The following ARL15 variants were observed in gnomAD, a reference collection of about 807,000 sequenced individuals.
The protein encoded by ARL15 is ARF like GTPase 15, also known as ADP-ribosylation factor-like protein 15.
In ARL15, 19 loss-of-function variants were observed where a neutral mutation model predicts 25.2. That is an observed-to-expected ratio of 0.75 (90% CI 0.53 to 1.10). ARL15 has a LOEUF of 1.10. Among genes scored for constraint, ARL15 ranks in the 50% least tolerant of loss-of-function variants. The pLI is 0.00. For synonymous variants in ARL15, 94 were observed against 86.8 expected, an observed-to-expected ratio of 1.08 and a Z score of -0.46; for missense variants, 220 against 246.0, an observed-to-expected ratio of 0.89 and a Z score of 0.71.
chr5:54,196,300 G>A (rs2112469329), intron 1 of ARL15, among the ~76,000 whole-genome samples: 1 of 152,180 alleles, frequency 6.6e-6, no homozygotes, highest in South Asian at 2.1e-4. Context: ...GAGAAGGTAG[G>A]CTGCAGCTTT....
At chr5:54,109,348 C>T (rs1049918299) in intron 4 of ARL15, among the ~76,000 whole-genome samples, 1 of 151,898 alleles carries the variant, frequency 6.6e-6, no homozygotes, top group Non-Finnish European at 1.5e-5. Context: ...AAGTTAAATA[C>T]TTTTGGATTA....
intron 4 of ARL15, among the ~76,000 whole-genome samples, chr5:54,086,681 C>T (rs1414789539): frequency 6.6e-6 from 1 of 151,786 alleles, no homozygotes; most frequent in African/African-American, 2.4e-5. Flanking sequence ...ATGCTATAGC[C>T]AAAAAATACA....
At chr5:54,268,138 C>A (rs1757677252) in intron 1 of ARL15, among the ~76,000 whole-genome samples, 2 of 152,014 alleles carry the variant, frequency 1.3e-5, no homozygotes, top group African/African-American at 2.4e-5. Flanking sequence ...TTCACATAGT[C>A]CCATATTTCT....
chr5:54,240,566 C>G (rs1012073765), intron 1 of ARL15, among the ~76,000 whole-genome samples: 3 of 152,140 alleles, frequency 2.0e-5, no homozygotes, highest in Non-Finnish European at 2.9e-5. Flanking sequence ...TTTACCAACA[C>G]CATTCCCACT....
At position 54,154,606 on chromosome 5, in the gene ARL15, G is replaced by T; in HGVS notation, c.227C>A (p.Ala76Asp). Residue 76 changes from alanine to aspartate, a missense_variant, in exon 3 of 5, where the codon GCC becomes GAC. By Grantham distance (126) the Ala-to-Asp change is moderately radical. Coordinates refer to ENST00000504924, the MANE Select transcript of ARL15 (RefSeq NM_019087.3). ...FSIKAVPFQNAILNVKELGGA... is the reference protein window; with the variant it reads ...FSIKAVPFQNDILNVKELGGA... ...TCCAAGTTCTTTTACATTCAAGATG[G>T]CATTCTGGAATGGCACTGCTTTAAT... is the stretch of plus-strand genomic sequence containing the variant. 1 of 1,528,890 alleles carries T rather than the reference G, an allele frequency of 6.5e-7. No individual in the cohort carries two copies. Among genetic ancestry groups the T allele is most frequent in the Admixed American group, 2.2e-5 (1 of 45,536 alleles). The allele number at this position is 1,528,890 out of a possible 1,614,324, so 94.7% of individuals were successfully genotyped here.
rs532608239 is a variant in ARL15, at chr5:54,030,707, A to C, written c.462+82495T>G. Among the ~76,000 whole-genome samples the C allele has an allele frequency of 7.2e-5, 11 of 152,342 alleles. No homozygotes were observed. The South Asian group carries it at 2.3e-3, about 32-fold the overall frequency. Reference sequence around the variant, plus strand: ...CAAACAAGCAGATGCAAGATTACATAAACTCTTGAGTTGGGTTTGATGGGT... The same window carrying C: ...CAAACAAGCAGATGCAAGATTACATCAACTCTTGAGTTGGGTTTGATGGGT... On this transcript the variant is annotated intron_variant, in intron 4 of 4. Transcript: ENST00000504924.
intron 1 of ARL15, among the ~76,000 whole-genome samples, chr5:54,215,123 TA>T (rs1449499153): frequency 6.6e-6 from 1 of 152,166 alleles, no homozygotes; most frequent in Non-Finnish European, 1.5e-5. Context: ...CCCTAATCAA[TA>T]CTGCTCCTAA....
chr5:53,916,791 T>C (rs1233703772), intron 4 of ARL15, among the ~76,000 whole-genome samples: 1 of 152,154 alleles, frequency 6.6e-6, no homozygotes, highest in Non-Finnish European at 1.5e-5. Context: ...CCCAAGGCAT[T>C]ACTCTGAGCA....
chr5:54,089,670 A>G (rs1200356964), intron 4 of ARL15, among the ~76,000 whole-genome samples: 2 of 152,160 alleles, frequency 1.3e-5, no homozygotes, highest in African/African-American at 2.4e-5. Flanking sequence ...TCTGTCACCA[A>G]TCCTATTCAA....
intron 4 of ARL15, among the ~76,000 whole-genome samples, chr5:53,918,360 T>C (rs1745724543): frequency 6.6e-6 from 1 of 151,946 alleles, no homozygotes; most frequent in Non-Finnish European, 1.5e-5. Context: ...TAATTTTTTT[T>C]TATTTTTAGT....
intron 4 of ARL15, among the ~76,000 whole-genome samples, chr5:53,919,983 A>G (rs74346676): frequency 0.13 from 19,137 of 152,202 alleles, 1,573 homozygotes; most frequent in Non-Finnish European, 0.18. Context: ...GATTGGGTAT[A>G]GACTGGGCAC....
chr5:54,175,912 A>C lies in ARL15; in HGVS notation c.49-3984T>G, dbSNP rs138276375. Among the ~76,000 whole-genome samples, 27 of 152,276 alleles carry C rather than the reference A, an allele frequency of 1.8e-4. No individual in the cohort carries two copies. In the East Asian group the frequency reaches 5.2e-3, roughly 29 times the overall value. On this transcript the variant is annotated intron_variant, in intron 1 of 4. Transcript: ENST00000504924. ...GGTGATCCACTCACCCCGGCTGCCC[A>C]AAGTGCTGAGATTACACACGTGAGC...
chr5:54,116,523 C>A (rs1354241076), intron 3 of ARL15, among the ~76,000 whole-genome samples: 1 of 152,188 alleles, frequency 6.6e-6, no homozygotes, highest in African/African-American at 2.4e-5. Context: ...ATGTGCAGTG[C>A]ACAGTTTTCA....
intron 4 of ARL15, among the ~76,000 whole-genome samples, chr5:54,008,753 T>C (rs1749130677): frequency 6.6e-6 from 1 of 152,222 alleles, no homozygotes. Context: ...CCCAAAATGT[T>C]TGTAAACTGC....
At chr5:53,954,055 G>C (rs1447443703) in intron 4 of ARL15, among the ~76,000 whole-genome samples, 3 of 145,476 alleles carry the variant, frequency 2.1e-5, no homozygotes, top group Non-Finnish European at 4.5e-5. Flanking sequence ...TCGGTACAAA[G>C]ACTTCTCTGT....
intron 4 of ARL15, among the ~76,000 whole-genome samples, chr5:53,941,815 T>A (rs1253234914): frequency 6.6e-6 from 1 of 151,700 alleles, no homozygotes; most frequent in Non-Finnish European, 1.5e-5. Flanking sequence ...CCCCTCCACC[T>A]AATAGAGGGC....
intron 4 of ARL15, among the ~76,000 whole-genome samples, chr5:54,059,670 G>A (rs1472468415): frequency 6.6e-6 from 1 of 152,200 alleles, no homozygotes; most frequent in Non-Finnish European, 1.5e-5. Context: ...AAAGCAGGAT[G>A]ATTAAAGGAC....
At chr5:54,165,199 T>C (rs1373994933) in intron 2 of ARL15, among the ~76,000 whole-genome samples, 1 of 152,102 alleles carries the variant, frequency 6.6e-6, no homozygotes, top group East Asian at 1.9e-4. Flanking sequence ...CATATGTTGT[T>C]AACCCCATAA....
intron 3 of ARL15, among the ~76,000 whole-genome samples, chr5:54,152,571 A>G (rs278065): frequency 0.21 from 31,782 of 152,172 alleles, 4,047 homozygotes; most frequent in East Asian, 0.68. Context: ...TAAAGTTGAG[A>G]AAGTAAAAGA....
Sources: gnomAD v4.1 joint callset for allele counts (sites outside exome capture counted in the v4.1 genomes callset) on GRCh38, gnomAD v4.1.1 for gene constraint, MANE v1.5 for transcripts, NCBI Gene and HGNC (gene_info 2026-07-23, HGNC 2026-07-21) for gene names.